KLHL29: variants seen among roughly 807,000 people sequenced by gnomAD.
The protein encoded by KLHL29 is kelch-like protein 29.
KLHL29 carries 21 observed loss-of-function variants against 80.4 expected under a neutral mutation model. That is an observed-to-expected ratio of 0.26 (90% CI 0.19 to 0.38). The LOEUF is 0.38. Ranked by LOEUF, KLHL29 falls within the 10% of genes least tolerant of loss-of-function variation. The probability of loss-of-function intolerance (pLI) is 1.00; values close to 1 mark genes in which losing one functional copy is unlikely to be tolerated. For synonymous variants in KLHL29, 511 were observed against 526.8 expected (o/e 0.97, Z 0.41); for missense variants, 867 against 1,223.9 (o/e 0.71, Z 4.35).
At chr2:23,510,165 CAG>C (rs1310482301) in intron 2 of KLHL29, among the ~76,000 whole-genome samples, 2 of 152,094 alleles carry the variant, frequency 1.3e-5, no homozygotes, top group Non-Finnish European at 2.9e-5. Context: ...TGCTCAGTGA[CAG>C]GGGAGTTTGC....
chr2:23,546,432 T>A (rs957479648), intron 2 of KLHL29, among the ~76,000 whole-genome samples: 1 of 152,166 alleles, frequency 6.6e-6, no homozygotes, highest in East Asian at 1.9e-4. Flanking sequence ...GTGAATCATT[T>A]ATATCAAGAT....
chr2:23,679,051 TA>T (rs56061720), intron 5 of KLHL29, among the ~76,000 whole-genome samples: 74,993 of 141,714 alleles, frequency 0.53, 20,519 homozygotes, highest in East Asian at 0.77. Context: ...TTACCACAAC[TA>T]AAAAAAAAAA....
At chr2:23,654,663 A>G (rs1670184905) in intron 5 of KLHL29, among the ~76,000 whole-genome samples, 1 of 104,044 alleles carries the variant, frequency 9.6e-6, no homozygotes, top group Non-Finnish European at 1.9e-5. Context: ...GGGCTGGGAG[A>G]TGCAGCCTTC....
chr2:23,429,420 C>T (rs1409066681), intron 1 of KLHL29, among the ~76,000 whole-genome samples: 2 of 152,192 alleles, frequency 1.3e-5, no homozygotes, highest in African/African-American at 4.8e-5. Flanking sequence ...ACAGATGTTT[C>T]TTTTGTGCTT....
intron 2 of KLHL29, among the ~76,000 whole-genome samples, chr2:23,532,078 C>T (rs748860): frequency 0.54 from 81,655 of 151,876 alleles, 22,352 homozygotes; most frequent in Middle Eastern, 0.63. Flanking sequence ...AGCCTTTCCA[C>T]TGGGCCTATT....
chr2:23,393,253 G>A (rs950052834), intron 1 of KLHL29, among the ~76,000 whole-genome samples: 12 of 152,188 alleles, frequency 7.9e-5, no homozygotes, highest in Non-Finnish European at 1.5e-4. Context: ...CCGTGGCTGT[G>A]TAGTCACATG....
At position 23,517,466 on chromosome 2, in the gene KLHL29, C is replaced by T. The variant is rs574297479; in HGVS notation, c.-46+41799C>T. Among the ~76,000 whole-genome samples, 31 of 152,204 alleles carry T rather than the reference C, an allele frequency of 2.0e-4. No homozygotes were observed. The South Asian group carries it at 4.0e-3, about 19-fold the overall frequency. On this transcript the variant is annotated intron_variant, in intron 2 of 13. Coordinates refer to ENST00000486442, the MANE Select transcript of KLHL29 (RefSeq NM_052920.2). ...GCTGAGGTAGGAGAATCGCTTGTAC[C>T]GGGGAGGCAGAGGTTGCAGTGAGCC...
chr2:23,602,809 G>A (rs938614918), intron 3 of KLHL29, among the ~76,000 whole-genome samples: 8 of 152,060 alleles, frequency 5.3e-5, no homozygotes, highest in African/African-American at 1.9e-4. Flanking sequence ...GGGAAGACCT[G>A]GAAGTGTATG....
intron 2 of KLHL29, among the ~76,000 whole-genome samples, chr2:23,533,326 TGA>T (rs1451766445): frequency 6.6e-6 from 1 of 152,170 alleles, no homozygotes; most frequent in African/African-American, 2.4e-5. Flanking sequence ...AGTATTTTTC[TGA>T]GAGTTCCCCC....
In KLHL29 at chr2:23,632,251, A is replaced by G. The variant is rs557296132; in HGVS notation, c.286-6888A>G. Among the ~76,000 whole-genome samples the G allele has an allele frequency of 2.0e-5, 3 of 152,356 alleles. No homozygotes were observed. The South Asian group carries it at 6.2e-4, about 32-fold the overall frequency. On this transcript the variant is annotated intron_variant, in intron 3 of 13. Transcript: ENST00000486442. ...GCTATAAACCTATGAGCTGTCATCT[A>G]AAAGATCCCAGACACCAAAATATCT...
intron 1 of KLHL29, among the ~76,000 whole-genome samples, chr2:23,454,663 G>A (rs759887534): frequency 2.6e-5 from 4 of 152,000 alleles, no homozygotes; most frequent in East Asian, 1.9e-4. Flanking sequence ...TAATGATTTC[G>A]TTATTTCATT....
chr2:23,695,575 G>A lies in KLHL29; in HGVS notation c.1543-48G>A. On this transcript the variant is annotated intron_variant, in intron 8 of 13. Coordinates refer to ENST00000486442, the MANE Select transcript of KLHL29 (RefSeq NM_052920.2). The surrounding 1 kb of genome is among the most constrained non-coding windows in gnomAD (Gnocchi z 7.6). ...CACCATTTCTTTCCGTCCGGGAGGT[G>A]GCTCTCTCTTGCTAGTCTAAGAAGA... 4 of 1,314,718 alleles carry A rather than the reference G, an allele frequency of 3.0e-6. No individual in the cohort carries two copies. Among genetic ancestry groups the A allele is most frequent in the African/African-American group, 3.0e-5 (2 of 67,782 alleles). The allele number at this position is 1,314,718 out of a possible 1,614,324, so 81.4% of individuals were successfully genotyped here.
At chr2:23,444,977 A>G (rs947106592) in intron 1 of KLHL29, among the ~76,000 whole-genome samples, 10 of 152,236 alleles carry the variant, frequency 6.6e-5, no homozygotes, top group African/African-American at 1.9e-4. Flanking sequence ...CAGGTCCTCA[A>G]TGTCATCCAT....
chr2:23,576,911 G>A (rs1052161717), intron 3 of KLHL29, among the ~76,000 whole-genome samples: 3 of 151,998 alleles, frequency 2.0e-5, no homozygotes, highest in Non-Finnish European at 2.9e-5. Flanking sequence ...ATAGACCCGC[G>A]GTCAGATAGT....
intron 3 of KLHL29, among the ~76,000 whole-genome samples, chr2:23,632,811 C>G (rs1669504176): frequency 6.6e-6 from 1 of 152,260 alleles, no homozygotes; most frequent in South Asian, 2.1e-4. Context: ...TCCTCTGCCA[C>G]CAGCCTCTGC....
chr2:23,572,767 C>A (rs1028674848), intron 3 of KLHL29, among the ~76,000 whole-genome samples: 5 of 150,260 alleles, frequency 3.3e-5, no homozygotes, highest in Admixed American at 3.3e-4. Context: ...GTGGCACGAT[C>A]TCAGCTCACT....
intron 1 of KLHL29, among the ~76,000 whole-genome samples, chr2:23,411,624 G>A (rs1459863668): frequency 6.6e-6 from 1 of 152,034 alleles, no homozygotes; most frequent in Non-Finnish European, 1.5e-5. Flanking sequence ...CCCGCTGTCG[G>A]GAGATGAGAC....
chr2:23,516,720 C>T lies in KLHL29; in HGVS notation c.-46+41053C>T, dbSNP rs111586822. ...GGCAAGGGGCTGGGAAGTGGACCCT[C>T]GAGCCGGTTGGCCAATCAGCAGGTC... On this transcript the variant is annotated intron_variant, in intron 2 of 13. Coordinates refer to ENST00000486442, the MANE Select transcript of KLHL29 (RefSeq NM_052920.2). 6.0e-3 allele frequency among the ~76,000 whole-genome samples: 919 copies of T among 152,342 alleles called. 12 individuals are homozygous for T. The highest frequency in any genetic ancestry group is 0.021 in the African/African-American group (868 of 41,580).
chr2:23,554,147 C>T (rs980773522), intron 2 of KLHL29, among the ~76,000 whole-genome samples: 1 of 152,224 alleles, frequency 6.6e-6, no homozygotes, highest in Non-Finnish European at 1.5e-5. Context: ...CTAACATCCA[C>T]GTCAAGTCGT....
Sources: allele counts gnomAD v4.1 joint callset (sites outside exome capture counted in the v4.1 genomes callset), GRCh38; gene constraint gnomAD v4.1.1; non-coding constraint Gnocchi (gnomAD v3.1); transcripts MANE v1.5; gene names NCBI Gene and HGNC (gene_info 2026-07-23, HGNC 2026-07-21).